Variants in MTRES1 observed in about 807,000 individuals in gnomAD.
MTRES1 encodes uncharacterized protein C6orf203.
A neutral mutation model predicts 17.4 loss-of-function variants in MTRES1; 11 were observed. The ratio of observed to expected loss-of-function variants is 0.63; its 90% confidence interval spans 0.40 to 1.05. MTRES1 has a LOEUF of 1.05. Among genes scored for constraint, MTRES1 ranks in the 50% least tolerant of loss-of-function variants. The pLI, the probability that MTRES1 is intolerant of heterozygous loss-of-function variation, is 0.00. For missense variants in MTRES1, 268 were observed against 276.2 expected (o/e 0.97, Z 0.21); for synonymous variants, 94 against 99.6 (o/e 0.94, Z 0.34).
chr6:107,042,590 A>C (rs1774256134), intron 2 of MTRES1, among the ~76,000 whole-genome samples: 1 of 152,158 alleles, frequency 6.6e-6, no homozygotes, highest in Non-Finnish European at 1.5e-5. Flanking sequence ...TGGTTGCCCT[A>C]GTGCGTTAAG....
intron 1 of MTRES1, among the ~76,000 whole-genome samples, chr6:107,031,055 AAGAT>A (rs1169075380): frequency 6.6e-6 from 1 of 152,124 alleles, no homozygotes; most frequent in East Asian, 1.9e-4. Flanking sequence ...AAGAGGACCA[AAGAT>A]AGAGCCCTGG....
chr6:107,041,891 T>C (rs1235035469), intron 2 of MTRES1, among the ~76,000 whole-genome samples: 2 of 152,178 alleles, frequency 1.3e-5, no homozygotes, highest in Non-Finnish European at 2.9e-5. Context: ...GTGGCCTTCA[T>C]TGTTCATTTA....
intron 3 of MTRES1, among the ~76,000 whole-genome samples, chr6:107,048,784 A>G (rs1243428235): frequency 6.6e-6 from 1 of 151,304 alleles, no homozygotes; most frequent in African/African-American, 2.4e-5. Flanking sequence ...ATGTCAAAAA[A>G]AAAAAAAAAA....
chr6:107,029,345 G>A (rs1554226129), intron 1 of MTRES1, among the ~76,000 whole-genome samples: 5 of 151,942 alleles, frequency 3.3e-5, no homozygotes, highest in Non-Finnish European at 7.4e-5. Flanking sequence ...CTGCCACCAC[G>A]CCCGGCTAAT....
At chr6:107,037,350 A>T (rs1226959632) in intron 1 of MTRES1, among the ~76,000 whole-genome samples, 1 of 152,044 alleles carries the variant, frequency 6.6e-6, no homozygotes, top group Non-Finnish European at 1.5e-5. Flanking sequence ...GATTACCGGC[A>T]TGAGCCACCA....
chr6:107,047,905 A>C (rs540782942), intron 3 of MTRES1, among the ~76,000 whole-genome samples: 1 of 152,130 alleles, frequency 6.6e-6, no homozygotes, highest in South Asian at 2.1e-4. Flanking sequence ...AAACAAACAA[A>C]AAAAGAATTT....
At chr6:107,035,773 C>T (rs1306678354) in intron 1 of MTRES1, among the ~76,000 whole-genome samples, 3 of 152,148 alleles carry the variant, frequency 2.0e-5, no homozygotes, top group South Asian at 2.1e-4. Flanking sequence ...CTCAGCCTCC[C>T]GAGTAGCTGA....
At chr6:107,031,072 C>T (rs1762695) in intron 1 of MTRES1, among the ~76,000 whole-genome samples, 143,476 of 152,182 alleles carry the variant, frequency 0.94, 67,862 homozygotes, top group East Asian at 1. Flanking sequence ...AGCCCTGGGC[C>T]GCTCCAACTT....
At chr6:107,050,547 CTTTCT>C (rs1774557316) in intron 3 of MTRES1, among the ~76,000 whole-genome samples, 2 of 80,924 alleles carry the variant, frequency 2.5e-5, no homozygotes, top group South Asian at 1.1e-3. Flanking sequence ...GGCACTCTCC[CTTTCT>C]TTTTTTTTTT....
intron 3 of MTRES1, among the ~76,000 whole-genome samples, chr6:107,050,656 A>G (rs1774568714): frequency 6.9e-6 from 1 of 145,210 alleles, no homozygotes; most frequent in South Asian, 2.2e-4. Context: ...GGCTCACTGC[A>G]ACCTCTACTT....
At chr6:107,032,368 G>A (rs1343810476) in intron 1 of MTRES1, among the ~76,000 whole-genome samples, 1 of 152,166 alleles carries the variant, frequency 6.6e-6, no homozygotes, top group East Asian at 1.9e-4. Flanking sequence ...GGGCACACAT[G>A]TAAAAGCAGG....
At chr6:107,045,573 A>G (rs1330385658) in intron 3 of MTRES1, among the ~76,000 whole-genome samples, 1 of 152,094 alleles carries the variant, frequency 6.6e-6, no homozygotes, top group African/African-American at 2.4e-5. Flanking sequence ...TACTGCTGTT[A>G]CTAGCATTTA....
chr6:107,033,799 CAGAA>C (rs1313005195), intron 1 of MTRES1, among the ~76,000 whole-genome samples: 1 of 152,062 alleles, frequency 6.6e-6, no homozygotes, highest in Non-Finnish European at 1.5e-5. Context: ...GCCTGGGCGA[CAGAA>C]CAAGACTCCG....
At chr6:107,033,458 G>A (rs916461446) in intron 1 of MTRES1, among the ~76,000 whole-genome samples, 1 of 151,916 alleles carries the variant, frequency 6.6e-6, no homozygotes, top group Non-Finnish European at 1.5e-5. Flanking sequence ...GAGGAGCTGG[G>A]TGCCTGGTTA....
intron 3 of MTRES1, among the ~76,000 whole-genome samples, chr6:107,045,050 T>C (rs1315513480): frequency 6.6e-6 from 1 of 151,740 alleles, no homozygotes; most frequent in African/African-American, 2.4e-5. Context: ...TAGCCAGGCG[T>C]GGTGGCAGGC....
At chr6:107,036,869 G>C (rs1396489890) in intron 1 of MTRES1, among the ~76,000 whole-genome samples, 2 of 151,062 alleles carry the variant, frequency 1.3e-5, no homozygotes, top group East Asian at 3.9e-4. Flanking sequence ...AAAAAAAAGT[G>C]GTTCAATTCT....
At chr6:107,042,120 C>T (rs1347343120) in intron 2 of MTRES1, among the ~76,000 whole-genome samples, 1 of 151,688 alleles carries the variant, frequency 6.6e-6, no homozygotes, top group Non-Finnish European at 1.5e-5. Flanking sequence ...GCAGGTGTAT[C>T]ACGAGGTCAG....
chr6:107,048,652 T>C (rs7775431), intron 3 of MTRES1, among the ~76,000 whole-genome samples: 70,119 of 150,492 alleles, frequency 0.47, 19,021 homozygotes, highest in Non-Finnish European at 0.63. Flanking sequence ...TGGTGGCACA[T>C]CCCTGTAGTC....
intron 1 of MTRES1, among the ~76,000 whole-genome samples, chr6:107,035,815 A>G (rs782036213): frequency 2.0e-5 from 3 of 151,818 alleles, no homozygotes; most frequent in Non-Finnish European, 4.4e-5. Flanking sequence ...TGCCTGGCTA[A>G]TTTTTGTGTT....
Sources: gnomAD v4.1 joint callset for allele counts (sites outside exome capture counted in the v4.1 genomes callset) on GRCh38, gnomAD v4.1.1 for gene constraint, MANE v1.5 for transcripts, NCBI Gene and HGNC (gene_info 2026-07-23, HGNC 2026-07-21) for gene names.